The following VPS8 variants were observed in gnomAD, a reference collection of about 807,000 sequenced individuals.
VPS8 encodes VPS8 subunit of CORVET complex, also known as vacuolar protein sorting-associated protein 8 homolog.
VPS8 carries 129 observed loss-of-function variants against 216.4 expected under a neutral mutation model. The observed-to-expected ratio is 0.60, with a 90% CI of 0.52 to 0.69. The LOEUF is 0.69. VPS8 is among the 30% of genes least tolerant of loss of function. The probability of loss-of-function intolerance (pLI) is 0.00; values close to 1 mark genes in which losing one functional copy is unlikely to be tolerated. For missense variants in VPS8, 1,531 were observed against 1,683.5 expected (o/e 0.91, Z 1.59); for synonymous variants, 571 against 565.4 (o/e 1.01, Z -0.14).
At chr3:184,837,751 AAAG>A (rs1397640712) in intron 5 of VPS8, among the ~76,000 whole-genome samples, 3 of 152,196 alleles carry the variant, frequency 2.0e-5, no homozygotes, top group African/African-American at 7.2e-5. Flanking sequence ...CAGACATAGA[AAAG>A]AAGATGTGTA....
At chr3:184,873,916 A>C (rs1479984998) in intron 21 of VPS8, among the ~76,000 whole-genome samples, 2 of 152,214 alleles carry the variant, frequency 1.3e-5, no homozygotes, top group Non-Finnish European at 2.9e-5. Context: ...ACAGGGAGAC[A>C]CAATTTATTC....
At chr3:184,913,387 C>G in intron 25 of VPS8, 132 bp from the exon 26 acceptor site, 1 of 709,184 alleles carries the variant, frequency 1.4e-6, no homozygotes, top group Non-Finnish European at 2.4e-6. Context: ...GTGGTCTTAA[C>G]TTCCTGTTAT....
At position 184,936,164 on chromosome 3, in the gene VPS8, G is replaced by A. The variant is rs559529160; in HGVS notation, c.2899-82G>A. On this transcript the variant is annotated intron_variant, in intron 34 of 47. Coordinates refer to ENST00000625842, the MANE Select transcript of VPS8 (RefSeq NM_001009921.3). ...CATGGAAGCTTGCGACTGTATTGAGGTAGGTAATCGTGCCTCACATCTGTG... is the reference window on the plus strand; with the variant it reads ...CATGGAAGCTTGCGACTGTATTGAGATAGGTAATCGTGCCTCACATCTGTG... 145 of 1,168,880 alleles carry A rather than the reference G, an allele frequency of 1.2e-4. 1 individual carries two copies. In the South Asian group the frequency reaches 1.8e-3, roughly 15 times the overall value. The allele number at this position is 1,168,880 out of a possible 1,614,324, so 72.4% of individuals were successfully genotyped here.
In VPS8 at chr3:184,878,072, A is replaced by G. The variant is rs190355922; in HGVS notation, c.1734+7267A>G. Among the ~76,000 whole-genome samples, 224 of 152,130 alleles carry G rather than the reference A, an allele frequency of 1.5e-3. 1 individual carries two copies. Among genetic ancestry groups the G allele is most frequent in the African/African-American group, 5.4e-3 (224 of 41,498 alleles). On this transcript the variant is annotated intron_variant, in intron 21 of 47. Transcript: ENST00000625842. Reference sequence around the variant, plus strand: ...GAGGCATTTTAATGCTGTAATGTGAATCAAGCTTAAAGGATTTGAAAAATA... The same window carrying G: ...GAGGCATTTTAATGCTGTAATGTGAGTCAAGCTTAAAGGATTTGAAAAATA...
At chr3:184,949,885 T>TTGC (rs1202948999) in intron 36 of VPS8, among the ~76,000 whole-genome samples, 3 of 151,502 alleles carry the variant, frequency 2.0e-5, no homozygotes, top group Non-Finnish European at 4.4e-5. Context: ...GTTTTTGTTG[T>TTGC]TGTTGTTGTT....
At chr3:184,984,883 T>C (rs1004877400) in intron 42 of VPS8, among the ~76,000 whole-genome samples, 14 of 152,184 alleles carry the variant, frequency 9.2e-5, no homozygotes, top group Admixed American at 7.2e-4. Flanking sequence ...TGTTTTTCTC[T>C]TGGCAAAAAC....
intron 21 of VPS8, among the ~76,000 whole-genome samples, chr3:184,876,506 A>G (rs902196835): frequency 2.6e-5 from 4 of 152,164 alleles, no homozygotes; most frequent in Non-Finnish European, 5.9e-5. Context: ...GCACATGGCT[A>G]TCTAACCAGT....
intron 29 of VPS8, among the ~76,000 whole-genome samples, chr3:184,922,141 C>A (rs1738746791): frequency 6.6e-6 from 1 of 152,174 alleles, no homozygotes; most frequent in Non-Finnish European, 1.5e-5. Flanking sequence ...TTTCTTTCAG[C>A]CTGTCATGCC....
intron 45 of VPS8, among the ~76,000 whole-genome samples, chr3:185,000,990 T>C (rs1753343746): frequency 6.6e-6 from 1 of 152,210 alleles, no homozygotes. Flanking sequence ...CAGATAACAA[T>C]GTAGAACTTC....
At chr3:184,965,355 C>A (rs879303787) in intron 38 of VPS8, among the ~76,000 whole-genome samples, 10 of 152,072 alleles carry the variant, frequency 6.6e-5, no homozygotes, top group Non-Finnish European at 1.2e-4. Context: ...CTTTCTTTTT[C>A]TTGCAATTTA....
intron 26 of VPS8, among the ~76,000 whole-genome samples, chr3:184,914,733 T>C (rs1489428712): frequency 6.6e-6 from 1 of 152,166 alleles, no homozygotes; most frequent in Non-Finnish European, 1.5e-5. Flanking sequence ...TGGTTTTTCT[T>C]AGGAAACATA....
At chr3:184,886,221 A>G (rs1731201485) in intron 22 of VPS8, 65 bp downstream of exon 22, 2 of 1,397,014 alleles carry the variant, frequency 1.4e-6, no homozygotes, top group Non-Finnish European at 2.0e-6. Context: ...TGTATAAGCC[A>G]TTGCTAAGAA....
At chr3:184,985,307 C>T (rs142972327) in intron 42 of VPS8, among the ~76,000 whole-genome samples, 512 of 152,270 alleles carry the variant, frequency 3.4e-3, no homozygotes, top group Non-Finnish European at 4.5e-3. Context: ...AAGTCTCTCA[C>T]TTCCTAATTC....
chr3:184,956,628 T>C (rs911419841), intron 36 of VPS8, among the ~76,000 whole-genome samples: 1 of 152,202 alleles, frequency 6.6e-6, no homozygotes, highest in Non-Finnish European at 1.5e-5. Flanking sequence ...CAATGAACAG[T>C]TGATTTCCTA....
chr3:185,024,224 A>T, intron 45 of VPS8, 112 bp from the exon 46 acceptor site: 1 of 972,064 alleles, frequency 1.0e-6, no homozygotes. Flanking sequence ...TCCTCTGGAA[A>T]TGTCTGTTTT....
chr3:184,892,375 C>T (rs1022863682), intron 22 of VPS8, among the ~76,000 whole-genome samples: 1 of 152,224 alleles, frequency 6.6e-6, no homozygotes, highest in East Asian at 1.9e-4. Context: ...TGCCACCATA[C>T]GCAGCTAATT....
At chr3:184,835,007 T>C in intron 5 of VPS8, 1 of 301,066 alleles carries the variant, frequency 3.3e-6, no homozygotes, top group East Asian at 5.5e-5. Flanking sequence ...CTAAAATAAA[T>C]ACTATTTGCC....
intron 36 of VPS8, among the ~76,000 whole-genome samples, chr3:184,944,172 T>C (rs1052544545): frequency 6.6e-6 from 1 of 152,250 alleles, no homozygotes; most frequent in East Asian, 1.9e-4. Context: ...GATATTTCTC[T>C]ATGTCTTTAC....
chr3:184,922,962 AAT>A (rs754083210), intron 29 of VPS8, among the ~76,000 whole-genome samples: 2 of 151,920 alleles, frequency 1.3e-5, no homozygotes, highest in East Asian at 1.9e-4. Context: ...TATATATAAG[AAT>A]ATATATATAT....
Sources: gnomAD v4.1 joint callset for allele counts (sites outside exome capture counted in the v4.1 genomes callset) on GRCh38, gnomAD v4.1.1 for gene constraint, MANE v1.5 for transcripts, NCBI Gene and HGNC (gene_info 2026-07-23, HGNC 2026-07-21) for gene names.